Variants in PLCH2 observed in about 807,000 individuals in gnomAD.
The protein encoded by PLCH2 is 1-phosphatidylinositol 4,5-bisphosphate phosphodiesterase eta-2.
Under a neutral mutation model 134.7 loss-of-function variants are expected in PLCH2, and 98 were observed. The observed-to-expected ratio is 0.73, with a 90% CI of 0.62 to 0.86. The LOEUF (loss-of-function observed/expected upper bound fraction) is 0.86, where lower values mean the gene tolerates loss of function less well. Among genes scored for constraint, PLCH2 ranks in the 40% least tolerant of loss-of-function variants. The pLI is 0.00. For missense variants in PLCH2, 1,994 were observed against 1,986.6 expected (o/e 1.00, Z -0.07); for synonymous variants, 974 against 827.5 (o/e 1.18, Z -3.04).
Position 2,484,538 on chromosome 1 carries a change from C to G in PLCH2, c.736C>G (p.Leu246Val), listed in dbSNP as rs201068379. 1.9e-4 allele frequency: 299 copies of G among 1,613,204 alleles called. No individual in the cohort carries two copies. The highest frequency in any genetic ancestry group is 2.5e-4 in the Non-Finnish European group (291 of 1,179,822). Residue 246 changes from leucine to valine, a missense_variant, in exon 5 of 22, where the codon CTG becomes GTG. Physicochemically the swap from Leu to Val is conservative, Grantham distance 32. This residue lies in a region of PLCH2 where 1,094 missense variants were observed against 1,234.3 expected (regional missense o/e 0.89). Transcript: ENST00000378486. ...GATGTCCACCCGCCGGGACCTCTAC[C>G]TGCTCATGCTGACCTACAGCAACCA... ...KMMSTRRDLY[L>V]LMLTYSNHKD... is the part of the protein sequence containing the mutation.
At chr1:2,441,764 TGGA>T (rs1639703750) in intron 2 of PLCH2, among the ~76,000 whole-genome samples, 1 of 152,056 alleles carries the variant, frequency 6.6e-6, no homozygotes, top group Admixed American at 6.5e-5. Context: ...AGCCTTTCCT[TGGA>T]GGAGAAGCCC....
Position 2,484,670 on chromosome 1 carries a change from T to C in PLCH2, c.816+52T>C, listed in dbSNP as rs191813138. ...GGGCCAGCCATCAGGCCTCGCCTTCTGTTCTGAGCTTTGAGCTTCAGTCAG... is the reference window on the plus strand; with the variant it reads ...GGGCCAGCCATCAGGCCTCGCCTTCCGTTCTGAGCTTTGAGCTTCAGTCAG... On this transcript the variant is annotated intron_variant, in intron 5 of 21. Transcript: ENST00000378486. 9.5e-6 allele frequency: 15 copies of C among 1,582,892 alleles called. No individual in the cohort carries two copies. In the Admixed American group the frequency reaches 1.9e-4, roughly 20 times the overall value.
At chr1:2,491,674 C>A (rs1642589776) in intron 11 of PLCH2, among the ~76,000 whole-genome samples, 1 of 152,262 alleles carries the variant, frequency 6.6e-6, no homozygotes, top group South Asian at 2.1e-4. Flanking sequence ...TCATGGCAGA[C>A]ACAATGGAGT....
intron 2 of PLCH2, among the ~76,000 whole-genome samples, chr1:2,456,719 A>T (rs1445214174): frequency 6.6e-6 from 1 of 151,704 alleles, no homozygotes; most frequent in South Asian, 2.1e-4. Context: ...GAAGCCAGGG[A>T]GCTGGGCCTT....
chr1:2,480,137 A>G (rs762049130), intron 3 of PLCH2, 46 bp from the exon 4 acceptor site: 7 of 1,607,874 alleles, frequency 4.4e-6, no homozygotes, highest in African/African-American at 2.7e-5. Context: ...TGGAGGTGTC[A>G]GGGCTGGGCC....
At chr1:2,503,677 C>G in intron 21 of PLCH2, 1 of 671,544 alleles carries the variant, frequency 1.5e-6, no homozygotes, top group Non-Finnish European at 2.7e-6. Context: ...CCCGTGCTGT[C>G]CCAGCCCAAG....
chr1:2,489,083 T>C, intron 8 of PLCH2, 124 bp from the exon 9 acceptor site: 1 of 858,888 alleles, frequency 1.2e-6, no homozygotes, highest in South Asian at 1.7e-5. Flanking sequence ...CCAGCTATCC[T>C]GGGTTCCTGG....
At chr1:2,480,048 C>T in intron 3 of PLCH2, 71 bp downstream of exon 3, 1 of 1,581,068 alleles carries the variant, frequency 6.3e-7, no homozygotes, top group Non-Finnish European at 8.6e-7. Context: ...CTGGGGGGGC[C>T]TGTCCTTTGC....
chr1:2,424,436 T>C (rs1259967137), upstream of PLCH2, among the ~76,000 whole-genome samples: 6 of 152,224 alleles, frequency 3.9e-5, no homozygotes, highest in Non-Finnish European at 1.5e-5. Flanking sequence ...GCTCAGGTGT[T>C]TTAGATTCTA....
intron 2 of PLCH2, among the ~76,000 whole-genome samples, chr1:2,447,335 C>T (rs558910062): frequency 1.7e-4 from 26 of 152,190 alleles, no homozygotes; most frequent in African/African-American, 5.8e-4. Flanking sequence ...TCTCCCGGAT[C>T]GCTGGACCTG....
Position 2,458,440 on chromosome 1 carries a change from C to A in PLCH2, c.116-20036C>A, listed in dbSNP as rs116637079. On this transcript the variant is annotated intron_variant, in intron 2 of 3. Coordinates refer to the PLCH2 transcript ENST00000609981. ...AGGGCTGGAGGCTGGGCTGGACAGT[C>A]CCCCTTGGGCACTGGCCTGGCCTGA... is the stretch of plus-strand genomic sequence containing the variant. Among the ~76,000 whole-genome samples the A allele has an allele frequency of 3.2e-3, 484 of 152,296 alleles. 3 individuals are homozygous for A. Among genetic ancestry groups the A allele is most frequent in the African/African-American group, 0.011 (451 of 41,566 alleles).
In PLCH2 at chr1:2,439,320, G is replaced by A. The variant is rs943638917; in HGVS notation, c.115+8691G>A. 3.3e-5 allele frequency among the ~76,000 whole-genome samples: 5 copies of A among 152,144 alleles called. No individual in the cohort carries two copies. The highest frequency in any genetic ancestry group is 1.2e-4 in the African/African-American group (5 of 41,440). ...AGGTGCCTGGGGGGTCTCAGAGCAGGAGGCTCAGCCCTGCCCACCCACCCC... is the reference window on the plus strand; with the variant it reads ...AGGTGCCTGGGGGGTCTCAGAGCAGAAGGCTCAGCCCTGCCCACCCACCCC... On this transcript the variant is annotated intron_variant, in intron 2 of 3. Transcript: ENST00000609981. This position sits in a 1 kb window ranked among gnomAD's most constrained non-coding sequence, Gnocchi z 4.7.
chr1:2,491,769 C>A (rs1252955401), intron 11 of PLCH2, among the ~76,000 whole-genome samples: 9 of 152,206 alleles, frequency 5.9e-5, no homozygotes, highest in Admixed American at 2.0e-4. Flanking sequence ...GAACCAGGAG[C>A]TGTGGCCGGT....
At chr1:2,450,293 G>A (rs537736184) in intron 2 of PLCH2, among the ~76,000 whole-genome samples, 23 of 152,096 alleles carry the variant, frequency 1.5e-4, no homozygotes, top group African/African-American at 5.3e-4. Context: ...CTCCCTCCCC[G>A]TGGGCCTCCA....
chr1:2,502,783 C>A, intron 21 of PLCH2: 1 of 716,862 alleles, frequency 1.4e-6, no homozygotes, highest in Non-Finnish European at 2.6e-6. Context: ...GCCCGGGCAT[C>A]CCCGAAAGGT....
Position 2,498,607 on chromosome 1 carries a change from T to A in PLCH2, c.2309T>A (p.Leu770His). The A allele has an allele frequency of 1.3e-6, 2 of 1,592,274 alleles. No homozygotes were observed. The highest frequency in any genetic ancestry group is 8.5e-7 in the Non-Finnish European group (1 of 1,171,656). Residue 770 changes from leucine to histidine, a missense_variant, in exon 17 of 22, where the codon CTT (leucine) becomes CAT (histidine). This residue lies in a region of PLCH2 where 1,094 missense variants were observed against 1,234.3 expected (regional missense o/e 0.89). Coordinates refer to ENST00000378486, the MANE Select transcript of PLCH2 (RefSeq NM_014638.4). This position sits in a 1 kb window ranked among gnomAD's most constrained non-coding sequence, Gnocchi z 5.4. ...CTCCGGATCATCAGTGGCCAGCAGC[T>A]TCCCAAGCCGCGCGACTCCATGCTG... is the stretch of plus-strand genomic sequence containing the variant. ...LVLRIISGQQ[L>H]PKPRDSMLGD...
In PLCH2 at chr1:2,489,388, C is replaced by G; in HGVS notation, c.1407+10C>G. On this transcript the variant is annotated intron_variant, in intron 9 of 21. Transcript: ENST00000378486. ...CAAGATCCTCGTGAAGGTGAGTGAGCCCCTGCCCTCCTGGGACCAGCTCAC... is the reference window on the plus strand; with the variant it reads ...CAAGATCCTCGTGAAGGTGAGTGAGGCCCTGCCCTCCTGGGACCAGCTCAC... 1 of 1,612,752 alleles carries G rather than the reference C, an allele frequency of 6.2e-7. No individual in the cohort carries two copies. The highest frequency in any genetic ancestry group is 8.5e-7 in the Non-Finnish European group (1 of 1,179,360).
At chr1:2,438,226 G>A (rs554915810) in intron 2 of PLCH2, among the ~76,000 whole-genome samples, 2 of 152,386 alleles carry the variant, frequency 1.3e-5, no homozygotes, top group African/African-American at 4.8e-5. Flanking sequence ...GGCAGACGGT[G>A]TGTGCTGGCG....
chr1:2,440,109 C>T (rs1435656243), intron 2 of PLCH2, among the ~76,000 whole-genome samples: 2 of 152,266 alleles, frequency 1.3e-5, no homozygotes, highest in East Asian at 3.9e-4. Flanking sequence ...GCAGCCAGTC[C>T]ACAGGGCCCT....
Sources: allele counts gnomAD v4.1 joint callset (sites outside exome capture counted in the v4.1 genomes callset), GRCh38; gene constraint gnomAD v4.1.1; regional missense constraint gnomAD v4.1.1; non-coding constraint Gnocchi (gnomAD v3.1); transcripts MANE v1.5; gene names NCBI Gene and HGNC (gene_info 2026-07-23, HGNC 2026-07-21).